Variants in UROC1 observed in about 807,000 individuals in gnomAD.
UROC1 encodes the protein urocanate hydratase 1.
UROC1 carries 79 observed loss-of-function variants against 89.5 expected under a neutral mutation model. The observed-to-expected ratio is 0.88, with a 90% CI of 0.74 to 1.06. The LOEUF is 1.06. Among genes scored for constraint, UROC1 ranks in the 50% least tolerant of loss-of-function variants. The pLI, the probability that UROC1 is intolerant of heterozygous loss-of-function variation, is 0.00. For missense variants in UROC1, 885 were observed against 907.8 expected, an observed-to-expected ratio of 0.97 and a Z score of 0.32; for synonymous variants, 361 against 354.8, an observed-to-expected ratio of 1.02 and a Z score of -0.20.
At chr3:126,501,772 C>CG in intron 9 of UROC1, 1 of 1,596,896 alleles carries the variant, frequency 6.3e-7, no homozygotes, top group African/African-American at 1.3e-5. Context: ...GTGGTATGGT[C>CG]CCCATGAAAG....
rs989632606 is a variant in UROC1, at chr3:126,481,577, T to C, written c.*768A>G. 1 of 152,190 alleles carries C rather than the reference T, an allele frequency of 6.6e-6. No homozygotes were observed. The highest frequency in any genetic ancestry group is 1.5e-5 in the Non-Finnish European group (1 of 68,048). 9.4% of individuals were successfully genotyped at this position (152,190 alleles called of 1,614,324 possible). A position where few individuals can be genotyped will look rare whatever the true frequency, so the allele number is the denominator to read the frequency against. On this transcript the variant is annotated 3_prime_UTR_variant, in exon 20 of 20. Transcript: ENST00000290868. ...TCTGTTGCACGCCCAGCTAAGAGAA[T>C]GAGATTCATGAGCCCTGGCCCTGAC...
chr3:126,507,021 G>A (rs565718001), intron 6 of UROC1, among the ~76,000 whole-genome samples: 75 of 152,112 alleles, frequency 4.9e-4, no homozygotes, highest in African/African-American at 1.6e-3. Flanking sequence ...GGAGGTTGCA[G>A]TGAGCCGAGA....
Position 126,500,676 on chromosome 3 carries a change from C to G in UROC1, c.1145+19G>C, listed in dbSNP as rs748194185. The G allele has an allele frequency of 5.6e-6, 9 of 1,614,072 alleles. No homozygotes were observed. Among genetic ancestry groups the G allele is most frequent in the Non-Finnish European group, 7.6e-6 (9 of 1,180,034 alleles). ...TGCCCAGGCCAAATGCTTCTGCCACCCCCAACTCCAAGTAGCACCTTTCCT... is the reference window on the plus strand; with the variant it reads ...TGCCCAGGCCAAATGCTTCTGCCACGCCCAACTCCAAGTAGCACCTTTCCT... On this transcript the variant is annotated intron_variant, in intron 11 of 19. Coordinates refer to ENST00000290868, the MANE Select transcript of UROC1 (RefSeq NM_144639.3).
At chr3:126,505,875 C>T in intron 7 of UROC1, 31 bp from the exon 8 acceptor site, 4 of 1,611,322 alleles carry the variant, frequency 2.5e-6, no homozygotes, top group Non-Finnish European at 3.4e-6. Flanking sequence ...GGCTCACTGC[C>T]CACTCCCAGC....
At chr3:126,507,717 T>G (rs765167590) in intron 6 of UROC1, 25 bp downstream of exon 6, 1 of 1,612,916 alleles carries the variant, frequency 6.2e-7, no homozygotes, top group Non-Finnish European at 8.5e-7. Context: ...AAACACGGTG[T>G]AAACAGACTG....
In UROC1 at chr3:126,501,200, C is replaced by T; in HGVS notation, c.965+18G>A. On this transcript the variant is annotated intron_variant, in intron 10 of 19. Coordinates refer to ENST00000290868, the MANE Select transcript of UROC1 (RefSeq NM_144639.3). Reference sequence around the variant, plus strand: ...TCTGGGTTCCCAAGCTGGCCATCAACTCCCAACCCCCACTCACCAAAGAGC... The same window carrying T: ...TCTGGGTTCCCAAGCTGGCCATCAATTCCCAACCCCCACTCACCAAAGAGC... 1 of 1,614,006 alleles carries T rather than the reference C, an allele frequency of 6.2e-7. No homozygotes were observed. The highest frequency in any genetic ancestry group is 8.5e-7 in the Non-Finnish European group (1 of 1,179,862).
At chr3:126,499,498 G>T (rs1935864515) in intron 12 of UROC1, 89 bp from the exon 13 acceptor site, 1 of 1,293,364 alleles carries the variant, frequency 7.7e-7, no homozygotes, top group Non-Finnish European at 1.1e-6. Flanking sequence ...CCAGAGGGAG[G>T]CTGGGGAAGG....
rs1383625749 is a variant in UROC1, at chr3:126,496,120, A to G, written c.1439-12T>C. 1.2e-6 allele frequency: 2 copies of G among 1,611,744 alleles called. No individual in the cohort carries two copies. The highest frequency in any genetic ancestry group is 2.2e-5 in the East Asian group (1 of 44,850). On this transcript the variant is annotated splice_polypyrimidine_tract_variant and intron_variant, in intron 14 of 19. Transcript: ENST00000290868. ...CACAGACACCTTCACTGCAGGAGAG[A>G]GGACAGCAGGCGTCAGAGACCCTCC...
At position 126,500,768 on chromosome 3, in the gene UROC1, G is replaced by A. The variant is rs1185040165; in HGVS notation, c.1072C>T (p.Gln358Ter). 1 of 1,614,124 alleles carries A rather than the reference G, an allele frequency of 6.2e-7. No individual in the cohort carries two copies. Among genetic ancestry groups the A allele is most frequent in the South Asian group, 1.1e-5 (1 of 91,088 alleles). Residue 358 changes from glutamine (Q) to a stop codon, truncating the protein, a stop_gained, in exon 11 of 20, where the codon CAG (glutamine) becomes TAG (stop). Coordinates refer to ENST00000290868, the MANE Select transcript of UROC1 (RefSeq NM_144639.3). LOFTEE classifies it high-confidence loss of function. ...NPFNGGYYPV[Q>*]LSFTEAQSLM... is the part of the protein sequence containing the mutation. ...CTCTGGGCCTCCGTGAAGCTGAGCT[G>A]CACAGGGTAGTAGCCGCCATTGAAC...
At chr3:126,489,442 G>A (rs1443227866) in intron 16 of UROC1, 67 bp from the exon 17 acceptor site, 11 of 1,340,636 alleles carry the variant, frequency 8.2e-6, no homozygotes, top group Non-Finnish European at 1.2e-5. Context: ...AAAGACTGAG[G>A]ACAAGGGGCA....
At chr3:126,517,107 G>A (rs943108403) in intron 1 of UROC1, among the ~76,000 whole-genome samples, 1 of 152,180 alleles carries the variant, frequency 6.6e-6, no homozygotes, top group African/African-American at 2.4e-5. Flanking sequence ...TTTGCTGTTA[G>A]ATGAGGGGAT....
chr3:126,494,582 C>T (rs1449416891), intron 15 of UROC1, among the ~76,000 whole-genome samples: 1 of 152,186 alleles, frequency 6.6e-6, no homozygotes, highest in Non-Finnish European at 1.5e-5. Flanking sequence ...ACTCCTGGGC[C>T]AAGACCCACT....
chr3:126,493,895 A>G (rs116019024), intron 15 of UROC1, among the ~76,000 whole-genome samples: 4,783 of 152,308 alleles, frequency 0.031, 266 homozygotes, highest in African/African-American at 0.11. Context: ...AAAAGGCAGC[A>G]GGGCCGGGCC....
At chr3:126,508,916 A>G (rs888817880) in intron 3 of UROC1, among the ~76,000 whole-genome samples, 1 of 152,178 alleles carries the variant, frequency 6.6e-6, no homozygotes, top group Non-Finnish European at 1.5e-5. Context: ...AGACAGGCAC[A>G]TGGGGCCAGA....
chr3:126,516,825 C>CT (rs935760253), intron 1 of UROC1, among the ~76,000 whole-genome samples: 22 of 149,978 alleles, frequency 1.5e-4, no homozygotes, highest in African/African-American at 5.4e-4. Context: ...GGCTCCGGTG[C>CT]AAAGGGCAGC....
chr3:126,505,942 C>T lies in UROC1; in HGVS notation c.669+3G>A, dbSNP rs1560125354. 2 of 1,609,814 alleles carry T rather than the reference C, an allele frequency of 1.2e-6. No homozygotes were observed. Among genetic ancestry groups the T allele is most frequent in the Non-Finnish European group, 1.7e-6 (2 of 1,178,158 alleles). ...CACAGCCAGGCGTGGCCCCATCTCT[C>T]ACCACAGTGCCATGAACGATTCCCT... is the stretch of plus-strand genomic sequence containing the variant. On this transcript the variant is annotated splice_donor_region_variant and intron_variant, in intron 7 of 19. Coordinates refer to ENST00000290868, the MANE Select transcript of UROC1 (RefSeq NM_144639.3).
chr3:126,502,472 T>C, intron 9 of UROC1, among the ~76,000 whole-genome samples: 1 of 152,152 alleles, frequency 6.6e-6, no homozygotes, highest in East Asian at 1.9e-4. Flanking sequence ...TGTGTGCATG[T>C]GTGTGCATAC....
chr3:126,496,101 C>T lies in UROC1; in HGVS notation c.1446G>A (p.Val482=), dbSNP rs532723675. The part of the protein sequence containing the change: ...LEEAIADGVK[V]SVKLQYMDNI... ...TGTCCATGTACTGCAGCTTCACAGA[C>T]ACCTTCACTGCAGGAGAGAGGACAG... The change falls in exon 15 of 20, where the codon GTG becomes GTA. Residue 482 remains valine, a synonymous_variant. Coordinates refer to ENST00000290868, the MANE Select transcript of UROC1 (RefSeq NM_144639.3). 1.2e-6 allele frequency: 2 copies of T among 1,613,074 alleles called. No homozygotes were observed. The highest frequency in any genetic ancestry group is 4.5e-5 in the East Asian group (2 of 44,876).
chr3:126,485,595 A>T (rs13096444), intron 18 of UROC1, among the ~76,000 whole-genome samples: 71,775 of 134,110 alleles, frequency 0.54, 18,871 homozygotes, highest in South Asian at 0.65. Context: ...CCATTTATTT[A>T]TTTATTTTTT....
Sources: allele counts gnomAD v4.1 joint callset (sites outside exome capture counted in the v4.1 genomes callset), GRCh38; gene constraint gnomAD v4.1.1; transcripts MANE v1.5; gene names NCBI Gene and HGNC (gene_info 2026-07-23, HGNC 2026-07-21).